The following SMARCA2 variants were observed in gnomAD, a reference collection of about 807,000 sequenced individuals.
SMARCA2 encodes the protein SWI/SNF related BAF chromatin remodeling complex subunit ATPase 2.
SMARCA2 carries 61 observed loss-of-function variants against 199.8 expected under a neutral mutation model. The ratio of observed to expected loss-of-function variants is 0.31; its 90% CI spans 0.25 to 0.38. The LOEUF (loss-of-function observed/expected upper bound fraction) is 0.38. Ranked by LOEUF, SMARCA2 falls within the 10% of genes least tolerant of loss-of-function variation. The pLI is 1.00. For missense variants in SMARCA2, 1,344 were observed against 2,012.2 expected (o/e 0.67, Z 6.35); for synonymous variants, 935 against 732.0 (o/e 1.28, Z -4.48).
chr9:2,157,701 A>G, intron 27 of SMARCA2: 1 of 384,204 alleles, frequency 2.6e-6, no homozygotes, highest in East Asian at 3.7e-5. Flanking sequence ...GGAGGTGGAA[A>G]CGATGCGCAG....
At chr9:2,067,285 T>C (rs1222659723) in intron 9 of SMARCA2, among the ~76,000 whole-genome samples, 2 of 152,266 alleles carry the variant, frequency 1.3e-5, no homozygotes, top group Admixed American at 1.3e-4. Flanking sequence ...TTGTTCTTTG[T>C]GCTTTCATTC....
chr9:2,053,475 T>C (rs1820215263), intron 5 of SMARCA2, among the ~76,000 whole-genome samples: 1 of 152,214 alleles, frequency 6.6e-6, no homozygotes, highest in Admixed American at 6.5e-5. Context: ...CCTTCTTTAC[T>C]AGCTCTGTGG....
Position 2,039,364 on chromosome 9 carries a change from G to C in SMARCA2, c.356-102G>C. 3 of 1,087,682 alleles carry C rather than the reference G, an allele frequency of 2.8e-6. No individual in the cohort carries two copies. Among genetic ancestry groups the C allele is most frequent in the South Asian group, 1.6e-5 (1 of 63,410 alleles). The allele number at this position is 1,087,682 out of a possible 1,614,324, so 67.4% of individuals were successfully genotyped here. ...TAAATGATATGTCATTCAAATTTCT[G>C]TCAGACAGTGTTGCTGTGGACAATT... is the stretch of plus-strand genomic sequence containing the variant. On this transcript the variant is annotated intron_variant, in intron 3 of 33. Coordinates refer to ENST00000349721, the MANE Select transcript of SMARCA2 (RefSeq NM_003070.5). The surrounding 1 kb of genome is among the most constrained non-coding windows in gnomAD (Gnocchi z 4.8).
intron 27 of SMARCA2, among the ~76,000 whole-genome samples, chr9:2,138,568 C>T (rs922766897): frequency 6.6e-6 from 1 of 152,168 alleles, no homozygotes; most frequent in Non-Finnish European, 1.5e-5. Context: ...CAAGGCTTCC[C>T]ATAGTCCGTT....
chr9:2,131,801 G>A (rs548433917), intron 27 of SMARCA2, among the ~76,000 whole-genome samples: 39 of 152,196 alleles, frequency 2.6e-4, no homozygotes, highest in African/African-American at 8.9e-4. Context: ...TTAGCTGGGC[G>A]TGGTGGCGGG....
chr9:2,095,172 G>A (rs1007440375), intron 19 of SMARCA2, among the ~76,000 whole-genome samples: 1 of 150,270 alleles, frequency 6.7e-6, no homozygotes. Context: ...TGCAACCTCC[G>A]CCTCCCGGGT....
In SMARCA2 at chr9:2,116,267, G is replaced by C. The variant is rs189377087; in HGVS notation, c.3684+218G>C. On this transcript the variant is annotated intron_variant, in intron 25 of 33. Coordinates refer to ENST00000349721, the MANE Select transcript of SMARCA2 (RefSeq NM_003070.5). ...CTGGAGGAACCTCAAGGCTTGGCCTGTGGGTGCTCCCTCCTTTTTCCCAGG... is the reference window on the plus strand; with the variant it reads ...CTGGAGGAACCTCAAGGCTTGGCCTCTGGGTGCTCCCTCCTTTTTCCCAGG... Among the ~76,000 whole-genome samples, 7 of 152,360 alleles carry C rather than the reference G, an allele frequency of 4.6e-5. No individual in the cohort carries two copies. The East Asian group carries it at 1.3e-3, about 29-fold the overall frequency.
At chr9:2,022,084 A>T (rs112292332) in intron 1 of SMARCA2, 1 of 151,632 alleles carries the variant, frequency 6.6e-6, no homozygotes, top group African/African-American at 2.4e-5. Flanking sequence ...TTCAGAAGAT[A>T]AAGTCGGAGA....
intron 8 of SMARCA2, 63 bp from the exon 9 acceptor site, chr9:2,060,753 T>C: frequency 6.8e-7 from 1 of 1,476,084 alleles, no homozygotes; most frequent in Non-Finnish European, 9.4e-7. Flanking sequence ...GAGGACAGAG[T>C]GGAGAGTGGA....
At chr9:2,186,275 T>C (rs1448557931) in intron 32 of SMARCA2, 47 bp downstream of exon 32, 5 of 1,565,730 alleles carry the variant, frequency 3.2e-6, no homozygotes, top group Non-Finnish European at 4.3e-6. Context: ...CCTCCTCACC[T>C]GCATAGCTGT....
At chr9:2,165,950 T>C (rs991028109) in intron 28 of SMARCA2, among the ~76,000 whole-genome samples, 2 of 152,202 alleles carry the variant, frequency 1.3e-5, no homozygotes, top group Non-Finnish European at 2.9e-5. Flanking sequence ...TCCACCTCCA[T>C]GTGGACACTG....
In SMARCA2 at chr9:2,104,287, A is replaced by T; in HGVS notation, c.3292+118A>T. 3.2e-6 allele frequency: 3 copies of T among 937,970 alleles called. No homozygotes were observed. Among genetic ancestry groups the T allele is most frequent in the Non-Finnish European group, 4.7e-6 (3 of 632,908 alleles). The allele number at this position is 937,970 out of a possible 1,614,324, so 58.1% of individuals were successfully genotyped here. ...TAAAATTGAAGAATTGACTAGAAGC[A>T]TTGGGAGCAGTTTTTCTAGATAGCA... On this transcript the variant is annotated intron_variant, in intron 23 of 33. Transcript: ENST00000349721. The surrounding 1 kb of genome is among the most constrained non-coding windows in gnomAD (Gnocchi z 4.0).
At chr9:2,083,718 G>C (rs1821668902) in intron 16 of SMARCA2, among the ~76,000 whole-genome samples, 1 of 152,220 alleles carries the variant, frequency 6.6e-6, no homozygotes, top group Admixed American at 6.5e-5. Context: ...GGCTGCTACT[G>C]TGCTGACTGT....
At chr9:2,147,933 G>C (rs1001074249) in intron 27 of SMARCA2, among the ~76,000 whole-genome samples, 6 of 151,358 alleles carry the variant, frequency 4.0e-5, no homozygotes, top group Non-Finnish European at 4.4e-5. Context: ...TCCTGGCCTT[G>C]AGTGATTCTT....
chr9:2,181,409 C>T (rs1008755395), intron 29 of SMARCA2, 162 bp from the exon 30 acceptor site: 1 of 564,980 alleles, frequency 1.8e-6, no homozygotes, highest in Admixed American at 3.3e-5. Context: ...CAAGGGACAT[C>T]AATCTCCAAT....
At chr9:2,162,150 A>C (rs1287345284) in intron 28 of SMARCA2, among the ~76,000 whole-genome samples, 1 of 152,242 alleles carries the variant, frequency 6.6e-6, no homozygotes, top group Admixed American at 6.5e-5. Flanking sequence ...TAAAATATCT[A>C]AATTAGAAAA....
intron 23 of SMARCA2, among the ~76,000 whole-genome samples, chr9:2,108,528 G>C (rs1205125784): frequency 9.9e-5 from 15 of 152,162 alleles, no homozygotes; most frequent in Admixed American, 9.8e-4. Flanking sequence ...TAGATGTATA[G>C]TTTTGTACCC....
rs917179981 is a variant in SMARCA2 at position 2,060,753 on chromosome 9, T to A, written c.1522-63T>A. 4.1e-6 allele frequency: 6 copies of A among 1,476,084 alleles called. No individual in the cohort carries two copies. The South Asian group carries it at 7.1e-5, about 18-fold the overall frequency. The allele number at this position is 1,476,084 out of a possible 1,614,324, so 91.4% of individuals were successfully genotyped here. ...GCAGACTGTCAAGGGGAGGACAGAG[T>A]GGAGAGTGGAGTTGTCTGCACGCTT... On this transcript the variant is annotated intron_variant, in intron 8 of 33. Coordinates refer to ENST00000349721, the MANE Select transcript of SMARCA2 (RefSeq NM_003070.5).
At chr9:2,131,240 T>C (rs1427102294) in intron 27 of SMARCA2, among the ~76,000 whole-genome samples, 1 of 152,206 alleles carries the variant, frequency 6.6e-6, no homozygotes, top group Non-Finnish European at 1.5e-5. Flanking sequence ...TCTTGTAATT[T>C]TAAAAAGTTT....
Sources: gnomAD v4.1 joint callset for allele counts (sites outside exome capture counted in the v4.1 genomes callset) on GRCh38, gnomAD v4.1.1 for gene constraint, Gnocchi (gnomAD v3.1) non-coding constraint, MANE v1.5 for transcripts, NCBI Gene and HGNC (gene_info 2026-07-23, HGNC 2026-07-21) for gene names.